Variants in IL36B observed in about 807,000 individuals in gnomAD.
IL36B encodes interleukin-36 beta.
IL36B carries 23 observed loss-of-function variants against 19.3 expected under a neutral mutation model. That is an observed-to-expected ratio of 1.19 (90% CI 0.86 to 1.69). The LOEUF is 1.69. Among genes scored for constraint, IL36B ranks in the 40% most tolerant of loss-of-function variants. The probability of loss-of-function intolerance (pLI) is 0.00; values close to 1 mark genes in which losing one functional copy is unlikely to be tolerated. For missense variants in IL36B, 217 were observed against 200.5 expected, an observed-to-expected ratio of 1.08 and a Z score of -0.50; for synonymous variants, 59 against 59.7, an observed-to-expected ratio of 0.99 and a Z score of 0.05.
Position 113,031,748 on chromosome 2 carries a change from TC to T in IL36B, c.-40del. 1 of 1,563,252 alleles carries T rather than the reference TC, an allele frequency of 6.4e-7. No individual in the cohort carries two copies. Among genetic ancestry groups the T allele is most frequent in the Admixed American group, 1.7e-5 (1 of 59,822 alleles). On this transcript the variant is annotated 5_prime_UTR_variant, in exon 2 of 6. Transcript: ENST00000259213. ...CCTTTTGTGAAGAGAACAAGATAGATCAGATGGTGGTGAGGAGGCTGTTAAC... is the reference window on the plus strand; with the variant it reads ...CCTTTTGTGAAGAGAACAAGATAGATAGATGGTGGTGAGGAGGCTGTTAAC...
chr2:113,025,914 A>G (rs1159879068), intron 5 of IL36B, among the ~76,000 whole-genome samples: 7 of 152,192 alleles, frequency 4.6e-5, no homozygotes, highest in Non-Finnish European at 1.5e-5. Flanking sequence ...GACCCTAGGG[A>G]ACATGAGAAG....
intron 1 of IL36B, among the ~76,000 whole-genome samples, chr2:113,041,878 G>A (rs1216377109): frequency 5.3e-5 from 8 of 152,122 alleles, no homozygotes; most frequent in Admixed American, 1.3e-4. Flanking sequence ...TCAGCCTCCC[G>A]AGTTAACAAT....
rs570131141 is a variant in IL36B at position 113,035,609 on chromosome 2, G to A, written c.-57-3843C>T. On this transcript the variant is annotated intron_variant, in intron 1 of 5. Transcript: ENST00000259213. Reference sequence around the variant, plus strand: ...AAAAGCAAGTGAATATAGCAACATCGAAAGTAGAAATTAAAGAAGAAGAAA... The same window carrying A: ...AAAAGCAAGTGAATATAGCAACATCAAAAGTAGAAATTAAAGAAGAAGAAA... Among the ~76,000 whole-genome samples the A allele has an allele frequency of 1.3e-3, 203 of 152,122 alleles. 1 individual carries two copies. Among genetic ancestry groups the A allele is most frequent in the African/African-American group, 4.0e-3 (166 of 41,504 alleles).
At position 113,022,343 on chromosome 2, in the gene IL36B, G is replaced by A. The variant is rs1254060532; in HGVS notation, c.*331C>T. On this transcript the variant is annotated 3_prime_UTR_variant, in exon 6 of 6. Coordinates refer to ENST00000259213, the MANE Select transcript of IL36B (RefSeq NM_014438.5). ...ACAGATTGAGCTCTAGTAGCTTGCT[G>A]CTCTGTGGGAATTCAGGAGCAATGT... is the stretch of plus-strand genomic sequence containing the variant. 1 of 188,212 alleles carries A rather than the reference G, an allele frequency of 5.3e-6. No homozygotes were observed. Among genetic ancestry groups the A allele is most frequent in the Non-Finnish European group, 1.1e-5 (1 of 91,310 alleles). 11.7% of individuals were successfully genotyped at this position (188,212 alleles called of 1,614,324 possible). A position where few individuals can be genotyped will look rare whatever the true frequency, so the allele number is the denominator to read the frequency against.
chr2:113,032,832 A>C (rs910552280), intron 1 of IL36B, among the ~76,000 whole-genome samples: 2 of 152,196 alleles, frequency 1.3e-5, no homozygotes, highest in Admixed American at 6.5e-5. Context: ...GATATGGCCC[A>C]AAGATCTCTT....
chr2:113,030,489 T>C (rs1256710414), intron 3 of IL36B, among the ~76,000 whole-genome samples: 1 of 152,104 alleles, frequency 6.6e-6, no homozygotes, highest in Non-Finnish European at 1.5e-5. Flanking sequence ...AATGTGGGAA[T>C]CAAGAGAAGG....
chr2:113,034,037 T>C (rs2105047022), intron 1 of IL36B, among the ~76,000 whole-genome samples: 1 of 152,308 alleles, frequency 6.6e-6, no homozygotes, highest in South Asian at 2.1e-4. Flanking sequence ...CACCTAGCAG[T>C]GACCAGAATC....
At chr2:113,037,571 C>T (rs1328837237) in intron 1 of IL36B, among the ~76,000 whole-genome samples, 1 of 152,070 alleles carries the variant, frequency 6.6e-6, no homozygotes, top group African/African-American at 2.4e-5. Context: ...ATTGCTTGAA[C>T]CCAGGAGGCG....
Position 113,046,832 on chromosome 2 carries a change from T to A in IL36B, c.-58+5985A>T, listed in dbSNP as rs746676049. On this transcript the variant is annotated intron_variant, in intron 1 of 5. Coordinates refer to ENST00000259213, the MANE Select transcript of IL36B (RefSeq NM_014438.5). The stretch of plus-strand genomic sequence containing the variant: ...CTTACCTGGCTGAGATAGTGTTCAT[T>A]AGGTTTCTCCACTGTAAAGTTACTC... Among the ~76,000 whole-genome samples, 52 of 152,324 alleles carry A rather than the reference T, an allele frequency of 3.4e-4. 1 individual carries two copies. The Middle Eastern group carries it at 0.027, about 80-fold the overall frequency.
Position 113,037,472 on chromosome 2 carries a change from A to C in IL36B, c.-57-5706T>G, listed in dbSNP as rs34866206. On this transcript the variant is annotated intron_variant, in intron 1 of 5. Transcript: ENST00000259213. ...TGAGACCAGCCTGACCAACATGGAG[A>C]AACCCCATCTCTATTAAAAATACAA... is the stretch of plus-strand genomic sequence containing the variant. Among the ~76,000 whole-genome samples the C allele has an allele frequency of 1.9e-3, 283 of 152,272 alleles. 1 individual carries two copies. Among genetic ancestry groups the C allele is most frequent in the African/African-American group, 6.5e-3 (270 of 41,562 alleles).
At chr2:113,039,006 C>A (rs1317076471) in intron 1 of IL36B, among the ~76,000 whole-genome samples, 1 of 152,138 alleles carries the variant, frequency 6.6e-6, no homozygotes, top group East Asian at 1.9e-4. Flanking sequence ...AGAGTGAAGG[C>A]AAGTCGTCGT....
intron 1 of IL36B, among the ~76,000 whole-genome samples, chr2:113,043,136 T>G (rs944062130): frequency 6.0e-4 from 92 of 152,272 alleles, no homozygotes; most frequent in African/African-American, 2.1e-3. Flanking sequence ...GTCTTTTTTG[T>G]TTCCTTTTTA....
intron 1 of IL36B, among the ~76,000 whole-genome samples, chr2:113,040,402 T>G (rs1685234284): frequency 6.6e-6 from 1 of 152,196 alleles, no homozygotes; most frequent in Non-Finnish European, 1.5e-5. Flanking sequence ...GAAGTCCTAG[T>G]CATTTTGAGA....
intron 3 of IL36B, among the ~76,000 whole-genome samples, chr2:113,030,144 T>C (rs1685045788): frequency 6.6e-6 from 1 of 151,754 alleles, no homozygotes; most frequent in African/African-American, 2.4e-5. Flanking sequence ...GGCAGGAGAA[T>C]TGCTTGAAAC....
chr2:113,039,661 A>G (rs895118658), intron 1 of IL36B, among the ~76,000 whole-genome samples: 3 of 152,228 alleles, frequency 2.0e-5, no homozygotes, highest in African/African-American at 7.2e-5. Flanking sequence ...AAGAGGTATC[A>G]GGAAAAAAAG....
At chr2:113,030,660 G>C (rs891891187) in intron 3 of IL36B, among the ~76,000 whole-genome samples, 1 of 152,212 alleles carries the variant, frequency 6.6e-6, no homozygotes, top group African/African-American at 2.4e-5. Context: ...TTAGAAAAGA[G>C]GATGCCAACT....
chr2:113,027,856 G>C lies in IL36B; in HGVS notation c.261+1083C>G, dbSNP rs533151676. 8 of 1,606,590 alleles carry C rather than the reference G, an allele frequency of 5.0e-6. 1 individual carries two copies. The East Asian group carries it at 1.1e-4, about 22-fold the overall frequency. ...ATGATCTGTTAAGATGACTCTGACA[G>C]CTTGATTCTCTATCCTGGAACCAGC... On this transcript the variant is annotated intron_variant, in intron 4 of 5. Coordinates refer to ENST00000259213, the MANE Select transcript of IL36B (RefSeq NM_014438.5).
intron 1 of IL36B, among the ~76,000 whole-genome samples, chr2:113,041,196 A>G (rs1685250768): frequency 1.3e-5 from 2 of 151,914 alleles, no homozygotes; most frequent in South Asian, 2.1e-4. Context: ...GAAAATGCCA[A>G]ACAAGCTTGG....
chr2:113,031,029 G>T lies in IL36B; in HGVS notation c.121+19C>A, dbSNP rs779165429. 17 of 1,542,804 alleles carry T rather than the reference G, an allele frequency of 1.1e-5. 1 individual carries two copies. The South Asian group carries it at 1.7e-4, about 15-fold the overall frequency. Reference sequence around the variant, plus strand: ...TGGCATCACCTCAAGAAGCAACAGTGGGTTTGATTGTCACTCACCAGGCTT... The same window carrying T: ...TGGCATCACCTCAAGAAGCAACAGTTGGTTTGATTGTCACTCACCAGGCTT... On this transcript the variant is annotated intron_variant, in intron 3 of 5. Coordinates refer to ENST00000259213, the MANE Select transcript of IL36B (RefSeq NM_014438.5).
Sources: allele counts gnomAD v4.1 joint callset (sites outside exome capture counted in the v4.1 genomes callset), GRCh38; gene constraint gnomAD v4.1.1; transcripts MANE v1.5; gene names NCBI Gene and HGNC (gene_info 2026-07-23, HGNC 2026-07-21).